The following PDZD8 variants were observed in gnomAD, a reference collection of about 807,000 sequenced individuals.
The protein encoded by PDZD8 is PDZ domain-containing protein 8.
A neutral mutation model predicts 85.8 loss-of-function variants in PDZD8; 14 were observed. The observed-to-expected ratio is 0.16, with a 90% CI of 0.11 to 0.26. PDZD8 has a LOEUF of 0.26. Ranked by LOEUF, PDZD8 falls within the 10% of genes least tolerant of loss-of-function variation. The probability of loss-of-function intolerance (pLI) is 1.00; values close to 1 mark genes in which losing one functional copy is unlikely to be tolerated. For missense variants in PDZD8, 1,197 were observed against 1,424.3 expected (o/e 0.84, Z 2.57); for synonymous variants, 592 against 568.6 (o/e 1.04, Z -0.59).
At position 117,282,542 on chromosome 10, in the gene PDZD8, A is replaced by G. The variant is rs935233215; in HGVS notation, c.*726T>C. Reference sequence around the variant, plus strand: ...TTATTTCCTATTACATTGTCTTTCAATGTAAGCTCTTCAAATTAATCACCA... The same window carrying G: ...TTATTTCCTATTACATTGTCTTTCAGTGTAAGCTCTTCAAATTAATCACCA... On this transcript the variant is annotated 3_prime_UTR_variant, in exon 5 of 5. Transcript: ENST00000334464. The G allele has an allele frequency of 4.6e-5, 7 of 152,206 alleles. No individual in the cohort carries two copies. Among genetic ancestry groups the G allele is most frequent in the South Asian group, 2.1e-4 (1 of 4,836 alleles). The allele number at this position is 152,206 out of a possible 1,614,324, so 9.4% of individuals were successfully genotyped here. A position where few individuals can be genotyped will look rare whatever the true frequency, so the allele number is the denominator to read the frequency against.
intron 1 of PDZD8, among the ~76,000 whole-genome samples, chr10:117,361,617 T>C (rs1447399203): frequency 6.6e-6 from 1 of 152,124 alleles, no homozygotes; most frequent in Non-Finnish European, 1.5e-5. Flanking sequence ...CTTTAGCTAG[T>C]CAGGTGTTAT....
At chr10:117,340,455 C>T (rs1369516724) in intron 2 of PDZD8, among the ~76,000 whole-genome samples, 1 of 152,130 alleles carries the variant, frequency 6.6e-6, no homozygotes, top group East Asian at 1.9e-4. Context: ...AGCCAAAATC[C>T]CCTTTACCCT....
At chr10:117,316,966 AC>A (rs1295532308) in intron 3 of PDZD8, among the ~76,000 whole-genome samples, 1 of 152,094 alleles carries the variant, frequency 6.6e-6, no homozygotes, top group Non-Finnish European at 1.5e-5. Flanking sequence ...TTTAGACCAC[AC>A]CCTTTTTCTT....
In PDZD8 at chr10:117,283,369, C is replaced by T. The variant is rs749481357; in HGVS notation, c.3364G>A (p.Asp1122Asn). 1.2e-5 allele frequency: 20 copies of T among 1,614,058 alleles called. No homozygotes were observed. The highest frequency in any genetic ancestry group is 1.7e-5 in the Non-Finnish European group (20 of 1,179,930). ...HSKKISKYTD[D>N]TEEDLDNEIS... ...TCATTATCAAGGTCTTCTTCTGTATCATCTGTGTACTTGCTTATTTTTTTG... is the reference window on the plus strand; with the variant it reads ...TCATTATCAAGGTCTTCTTCTGTATTATCTGTGTACTTGCTTATTTTTTTG... The change falls in exon 5 of 5, where the codon GAT becomes AAT. Residue 1122 changes from aspartate to asparagine, a missense_variant. Around this residue, in one of 4 missense-constraint regions of PDZD8, gnomAD observed 418 missense variants for 571.1 expected, o/e 0.73. Transcript: ENST00000334464.
chr10:117,289,565 C>A (rs1441606468), intron 4 of PDZD8, among the ~76,000 whole-genome samples: 1 of 152,166 alleles, frequency 6.6e-6, no homozygotes, highest in Non-Finnish European at 1.5e-5. Context: ...AAGCAAATAA[C>A]CTGCTATCTT....
chr10:117,305,951 AT>A (rs1843936108), intron 3 of PDZD8, among the ~76,000 whole-genome samples: 1 of 152,162 alleles, frequency 6.6e-6, no homozygotes, highest in African/African-American at 2.4e-5. Flanking sequence ...AGTCTTAACC[AT>A]AAAACGGTGA....
chr10:117,318,867 T>C lies in PDZD8; in HGVS notation c.1098+5A>G, dbSNP rs2133809803. On this transcript the variant is annotated splice_donor_5th_base_variant and intron_variant, in intron 3 of 4. Transcript: ENST00000334464. ...TAGATATAAATCACTGTAAATCCAT[T>C]TTACCGTCTTAATAGAACTCCTCTG... is the stretch of plus-strand genomic sequence containing the variant. The C allele has an allele frequency of 6.4e-7, 1 of 1,563,658 alleles. No individual in the cohort carries two copies. Among genetic ancestry groups the C allele is most frequent in the Non-Finnish European group, 8.8e-7 (1 of 1,135,824 alleles).
Position 117,341,040 on chromosome 10 carries a change from T to C in PDZD8, c.935A>G (p.His312Arg), listed in dbSNP as rs1220269218. ...QGFEEDEEHI[H>R]IQQWALTEGR... Reference sequence around the variant, plus strand: ...TTCAGTAAGTGCCCATTGTTGTATATGGATATGCTCTTCATCTTCTTCAAA... The same window carrying C: ...TTCAGTAAGTGCCCATTGTTGTATACGGATATGCTCTTCATCTTCTTCAAA... The change falls in exon 2 of 5, where the codon CAT becomes CGT. Residue 312 changes from histidine to arginine, a missense_variant. By Grantham distance (29) the His-to-Arg change is conservative. Around this residue, in one of 4 missense-constraint regions of PDZD8, gnomAD observed 344 missense variants for 453.6 expected, o/e 0.76. Coordinates refer to ENST00000334464, the MANE Select transcript of PDZD8 (RefSeq NM_173791.5). 6 of 1,613,834 alleles carry C rather than the reference T, an allele frequency of 3.7e-6. No homozygotes were observed. In the South Asian group the frequency reaches 4.4e-5, roughly 12 times the overall value.
chr10:117,305,610 T>A (rs1843929572), intron 3 of PDZD8, among the ~76,000 whole-genome samples: 1 of 152,016 alleles, frequency 6.6e-6, no homozygotes, highest in Non-Finnish European at 1.5e-5. Context: ...GGATCCCAAA[T>A]CTGGAAATCT....
At chr10:117,364,096 A>C (rs1389477442) in intron 1 of PDZD8, among the ~76,000 whole-genome samples, 1 of 152,050 alleles carries the variant, frequency 6.6e-6, no homozygotes, top group Non-Finnish European at 1.5e-5. Flanking sequence ...GGAATGGGAG[A>C]AGGATACTGT....
intron 4 of PDZD8, 38 bp downstream of exon 4, chr10:117,290,148 C>T: frequency 6.5e-7 from 1 of 1,532,398 alleles, no homozygotes; most frequent in Non-Finnish European, 8.8e-7. Context: ...TGTAGTTTAT[C>T]TGTAAAGGTA....
At chr10:117,300,569 C>A (rs1843829137) in intron 3 of PDZD8, among the ~76,000 whole-genome samples, 1 of 152,232 alleles carries the variant, frequency 6.6e-6, no homozygotes, top group East Asian at 1.9e-4. Flanking sequence ...GTTGAAGGAA[C>A]CAAAACTCTA....
intron 3 of PDZD8, among the ~76,000 whole-genome samples, chr10:117,292,962 C>G (rs1565019673): frequency 6.6e-6 from 1 of 151,840 alleles, no homozygotes; most frequent in Non-Finnish European, 1.5e-5. Context: ...ACCCCACTGA[C>G]CTAATTTTAG....
chr10:117,344,300 T>G (rs1844666406), intron 1 of PDZD8, among the ~76,000 whole-genome samples: 1 of 152,156 alleles, frequency 6.6e-6, no homozygotes, highest in Non-Finnish European at 1.5e-5. Flanking sequence ...TCGATGACAA[T>G]TTGATAAGAA....
chr10:117,279,113 A>G lies in PDZD8; in HGVS notation c.*4155T>C, dbSNP rs1296122229. On this transcript the variant is annotated 3_prime_UTR_variant, in exon 5 of 5. Transcript: ENST00000334464. ...TTGGTCCCTCGGGATAAGATAAAAT[A>G]TAAATAAAACCTTCAGAACTGTTTT... 1 of 152,232 alleles carries G rather than the reference A, an allele frequency of 6.6e-6. No individual in the cohort carries two copies. Among genetic ancestry groups the G allele is most frequent in the African/African-American group, 2.4e-5 (1 of 41,456 alleles). The allele number at this position is 152,232 out of a possible 1,614,324, so 9.4% of individuals were successfully genotyped here. A position where few individuals can be genotyped will look rare whatever the true frequency, so the allele number is the denominator to read the frequency against.
At chr10:117,311,399 G>C (rs1844033661) in intron 3 of PDZD8, among the ~76,000 whole-genome samples, 1 of 152,164 alleles carries the variant, frequency 6.6e-6, no homozygotes, top group East Asian at 1.9e-4. Context: ...TCTGGAAGAA[G>C]AAGGGTTGAG....
At chr10:117,371,978 G>A (rs1207746262) in intron 1 of PDZD8, among the ~76,000 whole-genome samples, 1 of 152,138 alleles carries the variant, frequency 6.6e-6, no homozygotes, top group Non-Finnish European at 1.5e-5. Flanking sequence ...AAATTACTAA[G>A]TATAGCTAAT....
chr10:117,358,559 C>T (rs770706056), intron 1 of PDZD8, among the ~76,000 whole-genome samples: 5 of 152,136 alleles, frequency 3.3e-5, no homozygotes, highest in Non-Finnish European at 1.5e-5. Flanking sequence ...TTAATACCCA[C>T]CATCCCTTAT....
intron 1 of PDZD8, among the ~76,000 whole-genome samples, chr10:117,342,534 G>A (rs373433755): frequency 7.9e-5 from 12 of 152,302 alleles, no homozygotes; most frequent in African/African-American, 2.6e-4. Context: ...CTGGAGTGCA[G>A]TGGCACGATC....
Sources: allele counts gnomAD v4.1 joint callset (sites outside exome capture counted in the v4.1 genomes callset), GRCh38; gene constraint gnomAD v4.1.1; regional missense constraint gnomAD v4.1.1; transcripts MANE v1.5; gene names NCBI Gene and HGNC (gene_info 2026-07-23, HGNC 2026-07-21).